SHLD1: variants seen among roughly 807,000 people sequenced by gnomAD.
The protein encoded by SHLD1 is RINN1-REV7-interacting novel NHEJ regulator 3.
SHLD1 carries 3 observed loss-of-function variants against 5.5 expected under a neutral mutation model. That is an observed-to-expected ratio of 0.54 (90% CI 0.25 to 1.40). The LOEUF (loss-of-function observed/expected upper bound fraction) is 1.40. Ranked by LOEUF, SHLD1 falls within the 40% of genes most tolerant of loss-of-function variation. The pLI is 0.15. For missense variants in SHLD1, 210 were observed against 244.4 expected (o/e 0.86, Z 0.94); for synonymous variants, 92 against 94.3 (o/e 0.98, Z 0.14).
chr20:5,783,415 G>A (rs1465203088), intron 2 of SHLD1, among the ~76,000 whole-genome samples: 2 of 152,096 alleles, frequency 1.3e-5, no homozygotes, highest in African/African-American at 2.4e-5. Context: ...GTAGAGACAA[G>A]GTTTCACCAT....
At chr20:5,798,300 C>G (rs1568507705) in intron 2 of SHLD1, among the ~76,000 whole-genome samples, 1 of 106,120 alleles carries the variant, frequency 9.4e-6, no homozygotes, top group Non-Finnish European at 1.9e-5. Flanking sequence ...AGTAGAAACT[C>G]TCAGTTCTCT....
intron 2 of SHLD1, among the ~76,000 whole-genome samples, chr20:5,782,137 T>C (rs1600115996): frequency 6.6e-6 from 1 of 152,144 alleles, no homozygotes; most frequent in Non-Finnish European, 1.5e-5. Context: ...CATTAATTAG[T>C]CCCAGGTACA....
At chr20:5,844,812 T>A (rs2087912650) in intron 2 of SHLD1, among the ~76,000 whole-genome samples, 4 of 138,624 alleles carry the variant, frequency 2.9e-5, no homozygotes, top group East Asian at 2.0e-4. Flanking sequence ...TTTTTTTTTT[T>A]GAGACACAGT....
chr20:5,799,022 C>G (rs2087252679), intron 2 of SHLD1, among the ~76,000 whole-genome samples: 1 of 151,984 alleles, frequency 6.6e-6, no homozygotes, highest in Non-Finnish European at 1.5e-5. Context: ...ATGGCAAAAC[C>G]CCGTCTCTAC....
At chr20:5,769,811 C>T (rs546104021) in intron 1 of SHLD1, among the ~76,000 whole-genome samples, 1 of 152,130 alleles carries the variant, frequency 6.6e-6, no homozygotes, top group East Asian at 1.9e-4. Context: ...CGAGACCAGC[C>T]TGGCCAACAT....
intron 2 of SHLD1, among the ~76,000 whole-genome samples, chr20:5,811,962 A>G (rs2087464432): frequency 6.6e-6 from 1 of 151,914 alleles, no homozygotes; most frequent in African/African-American, 2.4e-5. Flanking sequence ...TAATTTTCTC[A>G]TCTGTAAAAT....
At chr20:5,799,380 G>A (rs995398435) in intron 2 of SHLD1, among the ~76,000 whole-genome samples, 10 of 151,376 alleles carry the variant, frequency 6.6e-5, no homozygotes, top group South Asian at 6.3e-4. Flanking sequence ...GGCTCACTGC[G>A]GCCTCAACTT....
At chr20:5,838,256 C>T (rs1487989365) in intron 2 of SHLD1, among the ~76,000 whole-genome samples, 1 of 151,990 alleles carries the variant, frequency 6.6e-6, no homozygotes, top group African/African-American at 2.4e-5. Context: ...AAAACTGATA[C>T]ATTATCATAT....
chr20:5,854,770 A>C (rs2088059748), intron 2 of SHLD1, among the ~76,000 whole-genome samples: 1 of 152,140 alleles, frequency 6.6e-6, no homozygotes, highest in South Asian at 2.1e-4. Flanking sequence ...CTCATCATGT[A>C]AAACTGAAAC....
Position 5,773,273 on chromosome 20 carries a change from C to T in SHLD1, c.178+230C>T. 4.6e-6 allele frequency: 3 copies of T among 656,136 alleles called. No individual in the cohort carries two copies. The East Asian group carries it at 8.2e-5, about 18-fold the overall frequency. The allele number at this position is 656,136 out of a possible 1,614,324, so 40.6% of individuals were successfully genotyped here. The stretch of plus-strand genomic sequence containing the variant: ...CCTGGATGTCTTTTTGTTATTGTTG[C>T]TGTTAATCTCAGGTCTCTTTCTAAT... On this transcript the variant is annotated intron_variant, in intron 2 of 2. Coordinates refer to ENST00000303142, the MANE Select transcript of SHLD1 (RefSeq NM_152504.4).
intron 2 of SHLD1, among the ~76,000 whole-genome samples, chr20:5,847,558 T>G (rs536925524): frequency 4.3e-4 from 65 of 151,880 alleles, no homozygotes; most frequent in African/African-American, 1.3e-3. Flanking sequence ...TAAAAAGAAA[T>G]AAGATAAAAA....
chr20:5,844,774 T>C (rs931058512), intron 2 of SHLD1, among the ~76,000 whole-genome samples: 59 of 86,150 alleles, frequency 6.8e-4, no homozygotes, highest in African/African-American at 2.8e-3. Flanking sequence ...AGTAGACATA[T>C]ATATATATAT....
At chr20:5,801,346 G>T (rs919038414) in intron 2 of SHLD1, among the ~76,000 whole-genome samples, 1 of 152,160 alleles carries the variant, frequency 6.6e-6, no homozygotes, top group African/African-American at 2.4e-5. Context: ...AAAGTGCTGC[G>T]ATTATAGGCA....
chr20:5,778,463 C>T (rs1255303204), intron 2 of SHLD1, among the ~76,000 whole-genome samples: 1 of 151,620 alleles, frequency 6.6e-6, no homozygotes, highest in African/African-American at 2.4e-5. Flanking sequence ...AAAAATTAGC[C>T]GGGTGTGGTG....
At chr20:5,860,310 T>C (rs1411882924) in intron 2 of SHLD1, among the ~76,000 whole-genome samples, 1 of 152,188 alleles carries the variant, frequency 6.6e-6, no homozygotes, top group Non-Finnish European at 1.5e-5. Flanking sequence ...CAAAGGAAGT[T>C]TTTACATCTA....
At chr20:5,787,150 A>G (rs2087070841) in intron 2 of SHLD1, among the ~76,000 whole-genome samples, 1 of 152,202 alleles carries the variant, frequency 6.6e-6, no homozygotes, top group Non-Finnish European at 1.5e-5. Context: ...AGTGATTTTC[A>G]ACAAACCTCC....
At chr20:5,768,306 C>T (rs879879286) in intron 1 of SHLD1, among the ~76,000 whole-genome samples, 16 of 151,888 alleles carry the variant, frequency 1.1e-4, no homozygotes, top group African/African-American at 1.5e-4. Context: ...ACCCCTGATA[C>T]GCTGTGGCAC....
At chr20:5,775,063 A>G (rs1270763926) in intron 2 of SHLD1, among the ~76,000 whole-genome samples, 1 of 152,278 alleles carries the variant, frequency 6.6e-6, no homozygotes, top group South Asian at 2.1e-4. Context: ...ATTTAGAGAC[A>G]GGGTTTTGCT....
chr20:5,803,585 C>G (rs371358735), intron 2 of SHLD1, among the ~76,000 whole-genome samples: 1 of 151,856 alleles, frequency 6.6e-6, no homozygotes, highest in African/African-American at 2.4e-5. Context: ...TAAAAAAAAA[C>G]AAGGGCCAGT....
Sources: gnomAD v4.1 joint callset for allele counts (sites outside exome capture counted in the v4.1 genomes callset) on GRCh38, gnomAD v4.1.1 for gene constraint, MANE v1.5 for transcripts, NCBI Gene and HGNC (gene_info 2026-07-23, HGNC 2026-07-21) for gene names.